The following USP34 variants were observed in gnomAD, a reference collection of about 807,000 sequenced individuals.
USP34 encodes the protein ubiquitin carboxyl-terminal hydrolase 34.
USP34 carries 70 observed loss-of-function variants against 460.3 expected under a neutral mutation model. The observed-to-expected ratio is 0.15, with a 90% CI of 0.13 to 0.19. USP34 has a LOEUF of 0.19. USP34 is among the 10% of genes least tolerant of loss of function. The pLI, the probability that USP34 is intolerant of heterozygous loss-of-function variation, is 1.00. For synonymous variants in USP34, 1,647 were observed against 1,405.3 expected (o/e 1.17, Z -3.85); for missense variants, 3,985 against 4,236.2 (o/e 0.94, Z 1.65).
chr2:61,382,252 AAAATT>A (rs1275554916), intron 6 of USP34, among the ~76,000 whole-genome samples: 1 of 152,202 alleles, frequency 6.6e-6, no homozygotes, highest in Non-Finnish European at 1.5e-5. Flanking sequence ...TCCCATTGAA[AAAATT>A]AAATCCATAC....
At chr2:61,197,416 T>C (rs1686841566) in intron 75 of USP34, among the ~76,000 whole-genome samples, 1 of 152,218 alleles carries the variant, frequency 6.6e-6, no homozygotes, top group African/African-American at 2.4e-5. Context: ...ACAGAGATTA[T>C]ATAATCCTCT....
intron 2 of USP34, among the ~76,000 whole-genome samples, chr2:61,415,608 A>G (rs1046509215): frequency 6.6e-6 from 1 of 152,224 alleles, no homozygotes; most frequent in Non-Finnish European, 1.5e-5. Flanking sequence ...ATAGAGGTTA[A>G]TATCAAAACC....
chr2:61,190,029 G>A (rs1686583234), intron 78 of USP34: 1 of 396,260 alleles, frequency 2.5e-6, no homozygotes, highest in East Asian at 3.9e-5. Flanking sequence ...AGACCACTAA[G>A]ATGTTCCCTT....
At chr2:61,273,471 C>T (rs545245830) in intron 41 of USP34, among the ~76,000 whole-genome samples, 54 of 152,306 alleles carry the variant, frequency 3.5e-4, no homozygotes, top group Non-Finnish European at 5.1e-4. Context: ...GTAATCCCAG[C>T]ACTTTGGGAG....
At chr2:61,200,932 G>C (rs2103761924) in intron 75 of USP34, among the ~76,000 whole-genome samples, 1 of 151,936 alleles carries the variant, frequency 6.6e-6, no homozygotes, top group East Asian at 1.9e-4. Flanking sequence ...AAAGTTCTTA[G>C]GTCTTTGTCT....
chr2:61,383,529 C>T (rs1320420463), intron 5 of USP34, among the ~76,000 whole-genome samples, 193 bp from the exon 6 acceptor site: 1 of 152,024 alleles, frequency 6.6e-6, no homozygotes, highest in Non-Finnish European at 1.5e-5. Flanking sequence ...ACAGTAAAAC[C>T]CCGTATCTAC....
chr2:61,312,618 CAA>C (rs2103675697), intron 25 of USP34, among the ~76,000 whole-genome samples: 1 of 152,082 alleles, frequency 6.6e-6, no homozygotes, highest in South Asian at 2.1e-4. Flanking sequence ...AATGTATGAG[CAA>C]AAGAGTAACC....
intron 21 of USP34, among the ~76,000 whole-genome samples, chr2:61,320,479 T>C (rs958907818): frequency 6.8e-6 from 1 of 147,536 alleles, no homozygotes; most frequent in Non-Finnish European, 1.5e-5. Flanking sequence ...GCACAGGCAG[T>C]GGCCCGGGCC....
chr2:61,375,706 T>C (rs543380235), intron 8 of USP34, among the ~76,000 whole-genome samples: 1 of 144,164 alleles, frequency 6.9e-6, no homozygotes, highest in Non-Finnish European at 1.5e-5. Flanking sequence ...GAGGCGGAGC[T>C]TGCAGTGAGC....
intron 5 of USP34, among the ~76,000 whole-genome samples, chr2:61,386,513 G>A (rs533908721): frequency 8.5e-5 from 13 of 152,110 alleles, no homozygotes; most frequent in East Asian, 5.8e-4. Flanking sequence ...AACTTTGGCC[G>A]GGCACGGTGG....
intron 27 of USP34, among the ~76,000 whole-genome samples, chr2:61,308,935 A>G (rs1358819710): frequency 6.6e-6 from 1 of 152,060 alleles, no homozygotes; most frequent in Admixed American, 6.6e-5. Flanking sequence ...CCAGCTACTC[A>G]GGAGGCTGAG....
intron 41 of USP34, 126 bp from the exon 42 acceptor site, chr2:61,266,293 C>T (rs759207415): frequency 3.5e-6 from 3 of 869,222 alleles, no homozygotes; most frequent in Non-Finnish European, 5.0e-6. Context: ...GCATGATATA[C>T]CATCATCTGA....
intron 6 of USP34, among the ~76,000 whole-genome samples, chr2:61,382,026 GATTTT>G (rs1269881830): frequency 6.6e-6 from 1 of 151,946 alleles, no homozygotes; most frequent in Non-Finnish European, 1.5e-5. Flanking sequence ...CAGTATTATT[GATTTT>G]ATTTTCACTT....
intron 37 of USP34, 146 bp from the exon 38 acceptor site, chr2:61,281,388 G>C: frequency 9.6e-7 from 1 of 1,042,020 alleles, no homozygotes; most frequent in Non-Finnish European, 1.3e-6. Flanking sequence ...CAGGCAGGAG[G>C]ATAACCTGTG....
intron 5 of USP34, among the ~76,000 whole-genome samples, chr2:61,385,310 C>A (rs1693103219): frequency 6.6e-6 from 1 of 152,052 alleles, no homozygotes. Context: ...TCAGTACAAT[C>A]CAAAAAGGTT....
At chr2:61,382,079 T>C (rs1156890003) in intron 6 of USP34, among the ~76,000 whole-genome samples, 2 of 152,198 alleles carry the variant, frequency 1.3e-5, no homozygotes, top group Admixed American at 1.3e-4. Flanking sequence ...TTAACAATCC[T>C]ACTGTAAGTA....
At chr2:61,453,150 C>T (rs1695334356) in intron 1 of USP34, among the ~76,000 whole-genome samples, 1 of 152,140 alleles carries the variant, frequency 6.6e-6, no homozygotes, top group Non-Finnish European at 1.5e-5. Flanking sequence ...GTGGCTCATG[C>T]CTATAATCCC....
At chr2:61,407,015 A>G (rs1693893996) in intron 2 of USP34, among the ~76,000 whole-genome samples, 1 of 152,174 alleles carries the variant, frequency 6.6e-6, no homozygotes, top group Admixed American at 6.5e-5. Context: ...AGTCTCAAAA[A>G]AAAAGTATTA....
chr2:61,417,834 C>T (rs763689759), intron 2 of USP34, among the ~76,000 whole-genome samples: 3 of 148,654 alleles, frequency 2.0e-5, no homozygotes, highest in Non-Finnish European at 4.4e-5. Flanking sequence ...CTCTGCCTCC[C>T]GGGTTCAAAT....
Sources: allele counts gnomAD v4.1 joint callset (sites outside exome capture counted in the v4.1 genomes callset), GRCh38; gene constraint gnomAD v4.1.1; transcripts MANE v1.5; gene names NCBI Gene and HGNC (gene_info 2026-07-23, HGNC 2026-07-21).